MOSPD2: variants seen among roughly 807,000 people sequenced by gnomAD.
MOSPD2 encodes motile sperm domain-containing protein 2.
A neutral mutation model predicts 41.7 loss-of-function variants in MOSPD2; 5 were observed. That is an observed-to-expected ratio of 0.12 (90% CI 0.06 to 0.25). MOSPD2 has a LOEUF of 0.25. MOSPD2 is among the 10% of genes least tolerant of loss of function. The pLI, the probability that MOSPD2 is intolerant of heterozygous loss-of-function variation, is 1.00. For missense variants in MOSPD2, 282 were observed against 375.2 expected, an observed-to-expected ratio of 0.75 and a Z score of 2.05; for synonymous variants, 115 against 126.9, an observed-to-expected ratio of 0.91 and a Z score of 0.63.
At position 14,902,698 on chromosome X, in the gene MOSPD2, G is replaced by A. The variant is rs1276032161; in HGVS notation, c.539-268G>A. Among the ~76,000 whole-genome samples, 4 of 112,056 alleles carry A rather than the reference G, an allele frequency of 3.6e-5. No individual in the cohort carries two copies. In the East Asian group the frequency reaches 1.1e-3, roughly 31 times the overall value. ...AAAGCAGTGAGTGACAAAAGAATAG[G>A]CTGTTTACCAGAGGACAGTGACAGT... On this transcript the variant is annotated intron_variant, in intron 6 of 14. Coordinates refer to ENST00000380492, the MANE Select transcript of MOSPD2 (RefSeq NM_152581.4).
chrX:14,910,931 T>TACAC (rs35768433), intron 8 of MOSPD2, among the ~76,000 whole-genome samples: 2,392 of 100,459 alleles, frequency 0.024, 69 homozygotes, highest in African/African-American at 0.071. Context: ...TCTTTAAAAA[T>TACAC]ACACACACAC....
chrX:14,910,931 TACACACACAC>T (rs35768433), intron 8 of MOSPD2, among the ~76,000 whole-genome samples: 6 of 100,659 alleles, frequency 6.0e-5, no homozygotes, highest in South Asian at 4.5e-4. Context: ...TCTTTAAAAA[TACACACACAC>T]ACACACACAC....
At chrX:14,912,413 C>T (rs372811534) in intron 10 of MOSPD2, 52 bp downstream of exon 10, 3 of 763,772 alleles carry the variant, frequency 3.9e-6, no homozygotes, top group South Asian at 4.0e-5. Context: ...TCTTGATCAC[C>T]TTGAGGGAGC....
intron 13 of MOSPD2, among the ~76,000 whole-genome samples, chrX:14,918,456 C>T (rs1348544566): frequency 9.0e-6 from 1 of 111,454 alleles, no homozygotes; most frequent in Non-Finnish European, 1.9e-5. Flanking sequence ...TGAATTTTAC[C>T]GAATGGTATC....
intron 2 of MOSPD2, among the ~76,000 whole-genome samples, chrX:14,880,971 A>G (rs769239425): frequency 8.1e-5 from 9 of 111,707 alleles, no homozygotes; most frequent in Non-Finnish European, 1.5e-4. Context: ...CCTCTTTTCT[A>G]TTCCCTATAA....
At position 14,921,106 on chromosome X, in the gene MOSPD2, G is replaced by A. The variant is rs2092608897; in HGVS notation, c.*1297G>A. ...GTTTGTTTTCTCATTAATATGACCA[G>A]TTTGGGTCTATGTTGGTTCACATGT... On this transcript the variant is annotated 3_prime_UTR_variant, in exon 15 of 15. Coordinates refer to ENST00000380492, the MANE Select transcript of MOSPD2 (RefSeq NM_152581.4). 2.4e-6 allele frequency: 2 copies of A among 827,983 alleles called. No homozygotes were observed. Among genetic ancestry groups the A allele is most frequent in the Admixed American group, 1.4e-4 (2 of 13,973 alleles). 68.2% of individuals were successfully genotyped at this position (827,983 alleles called of 1,213,427 possible). A position where few individuals can be genotyped will look rare whatever the true frequency, so the allele number is the denominator to read the frequency against.
chrX:14,880,392 AT>A (rs757932799), intron 2 of MOSPD2, among the ~76,000 whole-genome samples: 55 of 111,282 alleles, frequency 4.9e-4, no homozygotes, highest in African/African-American at 1.6e-3. Context: ...TTTACCTGGG[AT>A]TTTTTTATGT....
At chrX:14,901,621 A>G (rs1191451541) in intron 6 of MOSPD2, among the ~76,000 whole-genome samples, 1 of 110,723 alleles carries the variant, frequency 9.0e-6, no homozygotes, top group Non-Finnish European at 1.9e-5. Flanking sequence ...AGAATGATCA[A>G]TAGTGTCCAG....
chrX:14,895,486 A>C, intron 4 of MOSPD2, 92 bp downstream of exon 4: 10 of 550,955 alleles, frequency 1.8e-5, no homozygotes, highest in Non-Finnish European at 2.8e-5. Context: ...AACTTTCTCC[A>C]TCTGTAGCAC....
intron 2 of MOSPD2, among the ~76,000 whole-genome samples, chrX:14,874,750 C>T (rs1261872395): frequency 9.0e-6 from 1 of 111,423 alleles, no homozygotes; most frequent in Non-Finnish European, 1.9e-5. Flanking sequence ...TGACATAGAA[C>T]AAATATGGAA....
chrX:14,890,288 T>C (rs1333387487), intron 2 of MOSPD2, among the ~76,000 whole-genome samples: 1 of 111,997 alleles, frequency 8.9e-6, no homozygotes, highest in Non-Finnish European at 1.9e-5. Context: ...CTTTCAATGT[T>C]CTGTGTGACA....
intron 2 of MOSPD2, among the ~76,000 whole-genome samples, chrX:14,881,122 G>C (rs1490288006): frequency 1.8e-5 from 2 of 111,083 alleles, no homozygotes; most frequent in African/African-American, 3.3e-5. Flanking sequence ...CTGAGTTTCA[G>C]ATCTTGTATC....
chrX:14,876,389 AGT>A (rs774946875), intron 2 of MOSPD2, among the ~76,000 whole-genome samples: 68 of 112,286 alleles, frequency 6.1e-4, no homozygotes, highest in Non-Finnish European at 8.8e-4. Flanking sequence ...ATTTTCTGCA[AGT>A]GTGTCACTTC....
intron 14 of MOSPD2, among the ~76,000 whole-genome samples, chrX:14,919,379 G>GGGC (rs749169289): frequency 1.8e-5 from 2 of 111,495 alleles, no homozygotes; most frequent in African/African-American, 6.5e-5. Context: ...AGAGACAGAG[G>GGGC]GGCTCTCTGA....
At position 14,873,690 on chromosome X, in the gene MOSPD2, A is replaced by G; in HGVS notation, c.11A>G (p.Asn4Ser). MAENHAQNKAKLIS... is the reference protein window; with the variant it reads MAESHAQNKAKLIS... ...GGTCCCATCGTGTCTCCCATCCAGAATCACGCCCAGAATAAAGCCAAGCTC... is the reference window on the plus strand; with the variant it reads ...GGTCCCATCGTGTCTCCCATCCAGAGTCACGCCCAGAATAAAGCCAAGCTC... The change falls in exon 2 of 15, where the codon AAT (asparagine) becomes AGT (serine). Residue 4 changes from asparagine to serine, a missense_variant and splice_region_variant. By Grantham distance (46) the Asn-to-Ser change is conservative. Transcript: ENST00000380492. 1 of 1,210,414 alleles carries G rather than the reference A, an allele frequency of 8.3e-7. No individual in the cohort carries two copies. Among genetic ancestry groups the G allele is most frequent in the Middle Eastern group, 2.3e-4 (1 of 4,352 alleles).
chrX:14,875,541 A>T (rs1330128545), intron 2 of MOSPD2, among the ~76,000 whole-genome samples: 1 of 112,194 alleles, frequency 8.9e-6, no homozygotes, highest in Non-Finnish European at 1.9e-5. Context: ...TTCTGAAAAC[A>T]TGTGACTCTC....
chrX:14,905,792 C>A (rs1028524804), intron 7 of MOSPD2, among the ~76,000 whole-genome samples: 1 of 111,746 alleles, frequency 8.9e-6, no homozygotes, highest in African/African-American at 3.2e-5. Context: ...ATACCTGGCC[C>A]CTCCTATATA....
At chrX:14,884,538 A>G (rs1285103928) in intron 2 of MOSPD2, among the ~76,000 whole-genome samples, 2 of 111,869 alleles carry the variant, frequency 1.8e-5, no homozygotes, top group African/African-American at 6.5e-5. Context: ...GAAAAGGAGA[A>G]AAAAAGCAGC....
Position 14,897,904 on chromosome X carries a change from G to A in MOSPD2, c.477+666G>A, listed in dbSNP as rs6631305. The stretch of plus-strand genomic sequence containing the variant: ...CTTCAGCAGCAATTGAGATCACTTG[G>A]CACATTTATTCTAACTACTGTCTCT... On this transcript the variant is annotated intron_variant, in intron 5 of 14. Transcript: ENST00000380492. 8.0e-5 allele frequency among the ~76,000 whole-genome samples: 9 copies of A among 112,159 alleles called. No individual in the cohort carries two copies. In the East Asian group the frequency reaches 2.0e-3, roughly 24 times the overall value.
Sources: allele counts gnomAD v4.1 joint callset (sites outside exome capture counted in the v4.1 genomes callset), GRCh38; gene constraint gnomAD v4.1.1; transcripts MANE v1.5; gene names NCBI Gene and HGNC (gene_info 2026-07-23, HGNC 2026-07-21).